The following ZFPM2 variants were observed in gnomAD, a reference collection of about 807,000 sequenced individuals.
ZFPM2 encodes the protein zinc finger protein ZFPM2.
A neutral mutation model predicts 98.6 loss-of-function variants in ZFPM2; 20 were observed. That is an observed-to-expected ratio of 0.20 (90% CI 0.14 to 0.29). The LOEUF is 0.29. Among genes scored for constraint, ZFPM2 ranks in the 10% least tolerant of loss-of-function variants. ZFPM2 has a pLI of 1.00. For synonymous variants in ZFPM2, 518 were observed against 502.7 expected (o/e 1.03, Z -0.41); for missense variants, 1,310 against 1,388.6 (o/e 0.94, Z 0.90).
At chr8:105,406,220 G>A (rs1379865581) in intron 1 of ZFPM2, among the ~76,000 whole-genome samples, 2 of 152,046 alleles carry the variant, frequency 1.3e-5, no homozygotes, top group African/African-American at 4.8e-5. Context: ...CTCCCATTCT[G>A]TAGGTTGCCT....
chr8:105,719,496 G>C (rs1811606728), intron 5 of ZFPM2, among the ~76,000 whole-genome samples: 1 of 151,852 alleles, frequency 6.6e-6, no homozygotes, highest in South Asian at 2.1e-4. Context: ...AAAGACTTGG[G>C]TTTATTCCTC....
rs188979187 is a variant in ZFPM2 at position 105,403,194 on chromosome 8, T to C, written c.41-15950T>C. ...CTTCAGGCCTGGAAATTCATAATTA[T>C]GTGTAAATCCTTAGTGTTATACCTA... On this transcript the variant is annotated intron_variant, in intron 1 of 7. Transcript: ENST00000407775. Among the ~76,000 whole-genome samples the C allele has an allele frequency of 4.1e-4, 62 of 152,204 alleles. No individual in the cohort carries two copies. In the East Asian group the frequency reaches 6.0e-3, roughly 15 times the overall value.
At chr8:105,703,131 A>G (rs7826613) in intron 5 of ZFPM2, among the ~76,000 whole-genome samples, 11,511 of 152,210 alleles carry the variant, frequency 0.076, 468 homozygotes, top group Middle Eastern at 0.14. Context: ...TGATGGTAAG[A>G]ACCAATGAGA....
chr8:105,562,728 A>G (rs1478175549), intron 4 of ZFPM2, among the ~76,000 whole-genome samples: 11 of 152,080 alleles, frequency 7.2e-5, no homozygotes, highest in Admixed American at 7.2e-4. Flanking sequence ...TACACATTTA[A>G]GGATGCTTAT....
intron 1 of ZFPM2, among the ~76,000 whole-genome samples, chr8:105,333,064 C>A (rs1195245378): frequency 6.6e-6 from 1 of 151,606 alleles, no homozygotes; most frequent in East Asian, 1.9e-4. Context: ...TGCTTTGATC[C>A]TACCAAATTC....
chr8:105,331,720 A>G (rs1450005420), intron 1 of ZFPM2, among the ~76,000 whole-genome samples: 1 of 151,790 alleles, frequency 6.6e-6, no homozygotes, highest in Admixed American at 6.6e-5. Flanking sequence ...AATGGTTTTC[A>G]TGAGCTTCTC....
chr8:105,368,376 C>G (rs1224635728), intron 1 of ZFPM2, among the ~76,000 whole-genome samples: 3 of 152,104 alleles, frequency 2.0e-5, no homozygotes, highest in African/African-American at 7.2e-5. Context: ...TTGATCTTAT[C>G]TCAGACAATC....
chr8:105,417,452 A>C (rs1165209660), intron 1 of ZFPM2, among the ~76,000 whole-genome samples: 1 of 152,130 alleles, frequency 6.6e-6, no homozygotes, highest in African/African-American at 2.4e-5. Context: ...CAAATGATAT[A>C]GCTCATGTCT....
At chr8:105,532,368 G>T (rs1468724980) in intron 3 of ZFPM2, among the ~76,000 whole-genome samples, 1 of 152,008 alleles carries the variant, frequency 6.6e-6, no homozygotes, top group Admixed American at 6.6e-5. Flanking sequence ...TGCAAGTTTG[G>T]GATTGAATAA....
intron 1 of ZFPM2, among the ~76,000 whole-genome samples, chr8:105,384,307 C>G (rs1810942996): frequency 6.6e-6 from 1 of 152,132 alleles, no homozygotes. Flanking sequence ...CTCCCCTCAA[C>G]TTCGCCACTG....
Position 105,622,182 on chromosome 8 carries a change from A to G in ZFPM2, c.421-12064A>G, listed in dbSNP as rs1377081313. 3.9e-5 allele frequency among the ~76,000 whole-genome samples: 6 copies of G among 152,286 alleles called. No individual in the cohort carries two copies. The South Asian group carries it at 1.2e-3, about 32-fold the overall frequency. On this transcript the variant is annotated intron_variant, in intron 4 of 7. Transcript: ENST00000407775. ...ACAACTTGGCCCAAACTTCAGTGTA[A>G]CACACATGCAAATAATTGTAGAATT...
At chr8:105,487,692 G>A (rs144024593) in intron 3 of ZFPM2, among the ~76,000 whole-genome samples, 151 of 151,754 alleles carry the variant, frequency 1.0e-3, no homozygotes, top group Non-Finnish European at 1.5e-3. Flanking sequence ...ACAGTATCTG[G>A]CACATAATAG....
chr8:105,485,289 GT>G (rs960872544), intron 3 of ZFPM2, among the ~76,000 whole-genome samples: 5 of 150,820 alleles, frequency 3.3e-5, no homozygotes, highest in South Asian at 2.1e-4. Flanking sequence ...GTTACTGCTT[GT>G]TTTTTTTTGT....
At chr8:105,580,821 CTCTCTCTA>C (rs1288587844) in intron 4 of ZFPM2, among the ~76,000 whole-genome samples, 15 of 119,868 alleles carry the variant, frequency 1.3e-4, no homozygotes, top group Non-Finnish European at 5.2e-5. Flanking sequence ...CTCTCTCTCT[CTCTCTCTA>C]TATATATATA....
At chr8:105,614,251 A>C (rs935609785) in intron 4 of ZFPM2, among the ~76,000 whole-genome samples, 3 of 152,102 alleles carry the variant, frequency 2.0e-5, no homozygotes, top group African/African-American at 7.2e-5. Context: ...TTTAAGTATG[A>C]GCATGTTGCA....
chr8:105,603,833 T>C (rs2130787701), intron 4 of ZFPM2, among the ~76,000 whole-genome samples: 1 of 152,148 alleles, frequency 6.6e-6, no homozygotes. Flanking sequence ...CCCTCCTTCC[T>C]GAAGCACTGT....
Position 105,470,628 on chromosome 8 carries a change from C to T in ZFPM2, c.301+26247C>T, listed in dbSNP as rs9650015. On this transcript the variant is annotated intron_variant, in intron 3 of 7. Coordinates refer to ENST00000407775, the MANE Select transcript of ZFPM2 (RefSeq NM_012082.4). The stretch of plus-strand genomic sequence containing the variant: ...CCTTGTCTCTATTTAAAATACAAAA[C>T]TTATCCAGGAGTGGTGGCACATGCC... Among the ~76,000 whole-genome samples, 884 of 152,098 alleles carry T rather than the reference C, an allele frequency of 5.8e-3. 5 individuals are homozygous for T. The highest frequency in any genetic ancestry group is 9.5e-3 in the Non-Finnish European group (647 of 67,986).
chr8:105,762,355 T>G (rs1812751016), intron 5 of ZFPM2, among the ~76,000 whole-genome samples: 1 of 151,940 alleles, frequency 6.6e-6, no homozygotes, highest in Non-Finnish European at 1.5e-5. Context: ...GAATGAAGTT[T>G]TTGGTAACAC....
At chr8:105,482,886 CTTCCTTCCTTCCTTCT>C (rs1015642469) in intron 3 of ZFPM2, among the ~76,000 whole-genome samples, 25 of 145,126 alleles carry the variant, frequency 1.7e-4, no homozygotes, top group Non-Finnish European at 3.2e-4. Flanking sequence ...TCTTTCCTTC[CTTCCTTCCTTCCTTCT>C]TTCCTTCCTT....
Sources: gnomAD v4.1 joint callset for allele counts (sites outside exome capture counted in the v4.1 genomes callset) on GRCh38, gnomAD v4.1.1 for gene constraint, MANE v1.5 for transcripts, NCBI Gene and HGNC (gene_info 2026-07-23, HGNC 2026-07-21) for gene names.